The following FNBP1 variants were observed in gnomAD, a reference collection of about 807,000 sequenced individuals.
FNBP1 encodes the protein formin binding protein 1.
In FNBP1, 26 loss-of-function variants were observed where a neutral mutation model predicts 90.6. That is an observed-to-expected ratio of 0.29 (90% CI 0.21 to 0.40). The LOEUF is 0.40. Among genes scored for constraint, FNBP1 ranks in the 10% least tolerant of loss-of-function variants. The pLI is 1.00. For missense variants in FNBP1, 635 were observed against 768.0 expected, an observed-to-expected ratio of 0.83 and a Z score of 2.05; for synonymous variants, 260 against 265.2, an observed-to-expected ratio of 0.98 and a Z score of 0.19.
chr9:129,993,814 G>T (rs1381848819), intron 2 of FNBP1, among the ~76,000 whole-genome samples: 2 of 151,620 alleles, frequency 1.3e-5, no homozygotes, highest in South Asian at 4.2e-4. Context: ...TAGTAGAGGC[G>T]GGGTTTCACC....
intron 11 of FNBP1, among the ~76,000 whole-genome samples, chr9:129,910,635 C>G (rs1277294821): frequency 1.3e-5 from 2 of 151,994 alleles, no homozygotes; most frequent in Non-Finnish European, 1.5e-5. Flanking sequence ...AGAGGAGACC[C>G]AGTTAATGTA....
intron 4 of FNBP1, among the ~76,000 whole-genome samples, chr9:129,969,222 A>G (rs531149340): frequency 1.3e-5 from 2 of 152,222 alleles, no homozygotes; most frequent in African/African-American, 4.8e-5. Flanking sequence ...AAATCTATCT[A>G]TAAGTCTGTA....
intron 1 of FNBP1, among the ~76,000 whole-genome samples, chr9:130,030,003 TA>T (rs1156437150): frequency 6.6e-6 from 1 of 151,668 alleles, no homozygotes; most frequent in African/African-American, 2.4e-5. Flanking sequence ...TTCTTACACA[TA>T]AAAAAACTAC....
intron 10 of FNBP1, chr9:129,919,359 T>A: frequency 2.4e-6 from 1 of 416,880 alleles, no homozygotes; most frequent in Non-Finnish European, 4.5e-6. Flanking sequence ...TTGATGGTAT[T>A]TTTCCATACA....
At chr9:130,004,834 G>A (rs1386325417) in intron 1 of FNBP1, among the ~76,000 whole-genome samples, 1 of 152,170 alleles carries the variant, frequency 6.6e-6, no homozygotes, top group Non-Finnish European at 1.5e-5. Flanking sequence ...GGGAGGCTGA[G>A]GTGGGTGGAT....
At chr9:129,963,388 T>G (rs552951731) in intron 4 of FNBP1, among the ~76,000 whole-genome samples, 1 of 152,270 alleles carries the variant, frequency 6.6e-6, no homozygotes, top group East Asian at 1.9e-4. Flanking sequence ...GAAAAATCCA[T>G]AGAGTGGTTC....
intron 15 of FNBP1, among the ~76,000 whole-genome samples, chr9:129,897,712 G>A (rs1403314239): frequency 6.6e-6 from 1 of 152,088 alleles, no homozygotes; most frequent in Non-Finnish European, 1.5e-5. Flanking sequence ...CAAAGTGCTG[G>A]GATTACAGGT....
chr9:130,041,009 T>C lies in FNBP1; in HGVS notation c.24+1943A>G, dbSNP rs535318695. ...TCTTTTTTCTTTTTTCTTTTCTTTT[T>C]TTTTTTTTTAAGAGGAGGCCTCTCC... On this transcript the variant is annotated intron_variant, in intron 1 of 16. Transcript: ENST00000446176. This position sits in a 1 kb window ranked among gnomAD's most constrained non-coding sequence, Gnocchi z 4.3. Among the ~76,000 whole-genome samples, 19 of 150,990 alleles carry C rather than the reference T, an allele frequency of 1.3e-4. No homozygotes were observed. In the East Asian group the frequency reaches 2.3e-3, roughly 18 times the overall value.
intron 1 of FNBP1, among the ~76,000 whole-genome samples, chr9:129,995,975 G>A (rs1564530094): frequency 6.6e-6 from 1 of 152,116 alleles, no homozygotes; most frequent in African/African-American, 2.4e-5. Context: ...AGAATTCTAG[G>A]GACATTTAAC....
intron 4 of FNBP1, 145 bp downstream of exon 4, chr9:129,978,320 G>T (rs2050669163): frequency 2.8e-6 from 2 of 703,966 alleles, no homozygotes; most frequent in African/African-American, 3.6e-5. Flanking sequence ...TGCCCAGCTG[G>T]GGTCCATAAC....
Position 129,900,980 on chromosome 9 carries a change from T to G in FNBP1, c.1429-433A>C, listed in dbSNP as rs956082986. The stretch of plus-strand genomic sequence containing the variant: ...AGCCATGCTTAAAGCAGTGACTCAG[T>G]TTGAAAGCCACACTTCCTATTTTTT... On this transcript the variant is annotated intron_variant, in intron 13 of 16. Coordinates refer to ENST00000446176, the MANE Select transcript of FNBP1 (RefSeq NM_015033.3). This position sits in a 1 kb window ranked among gnomAD's most constrained non-coding sequence, Gnocchi z 4.1. Among the ~76,000 whole-genome samples the G allele has an allele frequency of 3.3e-5, 5 of 152,172 alleles. No individual in the cohort carries two copies. The highest frequency in any genetic ancestry group is 7.2e-5 in the African/African-American group (3 of 41,458).
In FNBP1 at chr9:129,890,500, C is replaced by A; in HGVS notation, c.*39G>T. 4 of 1,568,892 alleles carry A rather than the reference C, an allele frequency of 2.5e-6. No individual in the cohort carries two copies. The South Asian group carries it at 3.5e-5, about 14-fold the overall frequency. ...TGTGGGAACAAGCAGACGGAGGCTCCTCCAGGAAGGCTCACCCGAGGCTCG... is the reference window on the plus strand; with the variant it reads ...TGTGGGAACAAGCAGACGGAGGCTCATCCAGGAAGGCTCACCCGAGGCTCG... On this transcript the variant is annotated 3_prime_UTR_variant, in exon 17 of 17. Transcript: ENST00000446176. The surrounding 1 kb of genome is among the most constrained non-coding windows in gnomAD (Gnocchi z 5.8).
At chr9:129,895,490 A>C in intron 16 of FNBP1, 1 of 1,169,708 alleles carries the variant, frequency 8.5e-7, no homozygotes, top group Non-Finnish European at 1.1e-6. Flanking sequence ...CCGGCTTTTA[A>C]ATTCAGAAAG....
chr9:130,012,169 T>C (rs1226774354), intron 1 of FNBP1, among the ~76,000 whole-genome samples: 1 of 152,220 alleles, frequency 6.6e-6, no homozygotes, highest in Non-Finnish European at 1.5e-5. Context: ...AGAATCTGGA[T>C]TCTGGAACTA....
At chr9:129,975,957 C>T (rs1374043768) in intron 4 of FNBP1, among the ~76,000 whole-genome samples, 1 of 141,268 alleles carries the variant, frequency 7.1e-6, no homozygotes, top group Non-Finnish European at 1.6e-5. Context: ...AAAGAAACAA[C>T]CAGGAAAAAA....
Position 129,888,583 on chromosome 9 carries a change from G to C in FNBP1, c.*1956C>G, listed in dbSNP as rs2034877053. 1 of 232,928 alleles carries C rather than the reference G, an allele frequency of 4.3e-6. No individual in the cohort carries two copies. The highest frequency in any genetic ancestry group is 1.8e-4 in the South Asian group (1 of 5,540). The allele number at this position is 232,928 out of a possible 1,614,324, so 14.4% of individuals were successfully genotyped here. ...GCAGGGACCGGAAGTCCATGGCTCTGCCGCAACCCTGAGCGGTTTGCAGTC... is the reference window on the plus strand; with the variant it reads ...GCAGGGACCGGAAGTCCATGGCTCTCCCGCAACCCTGAGCGGTTTGCAGTC... On this transcript the variant is annotated 3_prime_UTR_variant, in exon 17 of 17. Coordinates refer to ENST00000446176, the MANE Select transcript of FNBP1 (RefSeq NM_015033.3).
At chr9:130,005,605 T>G (rs1481230464) in intron 1 of FNBP1, among the ~76,000 whole-genome samples, 1 of 152,184 alleles carries the variant, frequency 6.6e-6, no homozygotes, top group Non-Finnish European at 1.5e-5. Flanking sequence ...CCTCCCAAAG[T>G]GCTGGGCTTA....
chr9:129,969,374 G>C (rs1564462401), intron 4 of FNBP1, among the ~76,000 whole-genome samples: 1 of 152,094 alleles, frequency 6.6e-6, no homozygotes, highest in Non-Finnish European at 1.5e-5. Flanking sequence ...TTTAGTTTGG[G>C]GAAGTAATCT....
chr9:130,028,161 C>T (rs1194173203), intron 1 of FNBP1, among the ~76,000 whole-genome samples: 1 of 152,170 alleles, frequency 6.6e-6, no homozygotes, highest in Non-Finnish European at 1.5e-5. Context: ...CTCACCCACT[C>T]AGTGGGAGGA....
Sources: gnomAD v4.1 joint callset for allele counts (sites outside exome capture counted in the v4.1 genomes callset) on GRCh38, gnomAD v4.1.1 for gene constraint, Gnocchi (gnomAD v3.1) non-coding constraint, MANE v1.5 for transcripts, NCBI Gene and HGNC (gene_info 2026-07-23, HGNC 2026-07-21) for gene names.